WDR81: variants seen among roughly 807,000 people sequenced by gnomAD.
WDR81 encodes WD repeat-containing protein 81.
A neutral mutation model predicts 140.8 loss-of-function variants in WDR81; 92 were observed. The observed-to-expected ratio is 0.65, with a 90% CI of 0.55 to 0.78. The LOEUF (loss-of-function observed/expected upper bound fraction) is 0.78, where lower values mean the gene tolerates loss of function less well. WDR81 is among the 30% of genes least tolerant of loss of function. WDR81 has a pLI of 0.00. For synonymous variants in WDR81, 1,183 were observed against 1,156.4 expected (o/e 1.02, Z -0.47); for missense variants, 2,502 against 2,636.4 (o/e 0.95, Z 1.12).
At position 1,728,603 on chromosome 17, in the gene WDR81, G is replaced by A. The variant is rs1306538816; in HGVS notation, c.3644G>A (p.Gly1215Asp). 1 of 1,477,418 alleles carries A rather than the reference G, an allele frequency of 6.8e-7. No homozygotes were observed. Among genetic ancestry groups the A allele is most frequent in the Non-Finnish European group, 9.0e-7 (1 of 1,107,842 alleles). The allele number at this position is 1,477,418 out of a possible 1,614,324, so 91.5% of individuals were successfully genotyped here. A position where few individuals can be genotyped will look rare whatever the true frequency, so the allele number is the denominator to read the frequency against. ...EEEALPEQSE[G>D]KEQKILLDTA... ...GAGGCACTGCCTGAGCAGTCAGAAG[G>A]CAAAGAACAGAAGATCCTCCTTGGT... Residue 1215 changes from glycine (G) to aspartate (D), a missense_variant, in exon 1 of 10, where the codon GGC becomes GAC. Physicochemically the swap from Gly to Asp is moderately conservative, Grantham distance 94 (BLOSUM62 -1). Coordinates refer to ENST00000409644, the MANE Select transcript of WDR81 (RefSeq NM_001163809.2).
In WDR81 at chr17:1,727,773, T is replaced by C. The variant is rs1367234558; in HGVS notation, c.2814T>C (p.Ala938=). ...VLSLMSEEHT[A]VYTAWYLFEP... ...CACTCATGTCCGAGGAGCACACAGC[T>C]GTGTACACGGCCTGGTATCTGTTTG... The change falls in exon 1 of 10, where the codon GCT becomes GCC. Residue 938 remains alanine, a synonymous_variant. Coordinates refer to ENST00000409644, the MANE Select transcript of WDR81 (RefSeq NM_001163809.2). 3.9e-6 allele frequency: 6 copies of C among 1,550,718 alleles called. No individual in the cohort carries two copies. The highest frequency in any genetic ancestry group is 4.4e-6 in the Non-Finnish European group (5 of 1,147,008).
At position 1,725,196 on chromosome 17, in the gene WDR81, A is replaced by C; in HGVS notation, c.237A>C (p.Ala79=). The C allele has an allele frequency of 6.5e-6, 10 of 1,537,468 alleles. No individual in the cohort carries two copies. Among genetic ancestry groups the C allele is most frequent in the Non-Finnish European group, 8.7e-6 (10 of 1,146,442 alleles). ...RRLPLGPCPR[A]EGLGEAEVRT... Reference sequence around the variant, plus strand: ...TGCCCCTGGGACCCTGTCCCCGCGCAGAGGGCCTGGGAGAAGCGGAAGTCA... The same window carrying C: ...TGCCCCTGGGACCCTGTCCCCGCGCCGAGGGCCTGGGAGAAGCGGAAGTCA... Residue 79 remains alanine, a synonymous_variant, in exon 1 of 10, where the codon GCA becomes GCC. Coordinates refer to ENST00000409644, the MANE Select transcript of WDR81 (RefSeq NM_001163809.2).
At chr17:1,720,589 C>A (rs1255950415), upstream of WDR81, among the ~76,000 whole-genome samples, 1 of 151,922 alleles carries the variant, frequency 6.6e-6, no homozygotes, top group Non-Finnish European at 1.5e-5. Flanking sequence ...CCAGCCTGGC[C>A]AACATGGTGA....
rs1186161782 is a variant in WDR81, at chr17:1,725,180, G to A, written c.221G>A (p.Gly74Glu). Residue 74 changes from glycine to glutamate, a missense_variant, in exon 1 of 10, where the codon GGA becomes GAA. By Grantham distance (98) the Gly-to-Glu change is moderately conservative. Around this residue, in one of 3 missense-constraint regions of WDR81, gnomAD observed 547 missense variants for 513.8 expected, o/e 1.06. Transcript: ENST00000409644. ...CTCCGCGATCGCCGGCTGCCCCTGG[G>A]ACCCTGTCCCCGCGCAGAGGGCCTG... ...ASLRDRRLPL[G>E]PCPRAEGLGE... 9 of 1,536,262 alleles carry A rather than the reference G, an allele frequency of 5.9e-6. No homozygotes were observed. The highest frequency in any genetic ancestry group is 2.0e-5 in the Admixed American group (1 of 50,950).
At chr17:1,719,965 CTCCATCTCAGAAAAAAACGA>C (rs1329646171), upstream of WDR81, among the ~76,000 whole-genome samples, 2 of 152,078 alleles carry the variant, frequency 1.3e-5, no homozygotes, top group African/African-American at 4.8e-5. Context: ...CAGAATGTGA[CTCCATCTCAGAAAAAAACGA>C]AAAACAAATT....
Position 1,726,865 on chromosome 17 carries a change from C to T in WDR81, c.1906C>T (p.Pro636Ser). Residue 636 changes from proline to serine, a missense_variant, in exon 1 of 10, where the codon CCA (proline) becomes TCA (serine). Pro to Ser is a moderately conservative substitution (Grantham distance 74). Around this residue, in one of 3 missense-constraint regions of WDR81, gnomAD observed 1,737 missense variants for 1,843.0 expected, o/e 0.94. Transcript: ENST00000409644. The stretch of plus-strand genomic sequence containing the variant: ...ACAGCTTCCAAATGGAGTGGGCCGG[C>T]CAGTTTTAGAGGCCACTCCCTGTGA... Reference protein sequence around the residue: ...PGQLPNGVGRPVLEATPCEAS... With the variant: ...PGQLPNGVGRSVLEATPCEAS... 1 of 1,550,324 alleles carries T rather than the reference C, an allele frequency of 6.5e-7. No individual in the cohort carries two copies. The highest frequency in any genetic ancestry group is 8.7e-7 in the Non-Finnish European group (1 of 1,146,966).
rs1915324754 is a variant in WDR81 at position 1,727,011 on chromosome 17, A to G, written c.2052A>G (p.Gln684=). The G allele has an allele frequency of 1.3e-6, 2 of 1,550,244 alleles. No individual in the cohort carries two copies. Among genetic ancestry groups the G allele is most frequent in the Non-Finnish European group, 1.7e-6 (2 of 1,146,984 alleles). ...KAGDQLGSSS[Q]ASPGLLSFSV... Reference sequence around the variant, plus strand: ...GTGACCAGCTGGGCTCCTCCAGTCAAGCGTCCCCTGGACTTCTCTCTTTCT... The same window carrying G: ...GTGACCAGCTGGGCTCCTCCAGTCAGGCGTCCCCTGGACTTCTCTCTTTCT... Residue 684 remains glutamine (Q), a synonymous_variant, in exon 1 of 10, where the codon CAA becomes CAG. Coordinates refer to ENST00000409644, the MANE Select transcript of WDR81 (RefSeq NM_001163809.2).
upstream of WDR81, among the ~76,000 whole-genome samples, chr17:1,723,884 C>T (rs956956200): frequency 2.6e-5 from 4 of 152,316 alleles, no homozygotes; most frequent in East Asian, 7.7e-4. Flanking sequence ...TTCCGCCAGG[C>T]GGACAAGCCT....
intron 1 of WDR81, chr17:1,716,661 G>A: frequency 1.3e-6 from 2 of 1,551,416 alleles, no homozygotes; most frequent in South Asian, 2.4e-5. Flanking sequence ...AACTGAGCTC[G>A]GAATCCAGCC....
rs556430605 is a variant in WDR81 at position 1,735,476 on chromosome 17, G to A, written c.5180-96G>A. On this transcript the variant is annotated intron_variant, in intron 7 of 9. Coordinates refer to ENST00000409644, the MANE Select transcript of WDR81 (RefSeq NM_001163809.2). This position sits in a 1 kb window ranked among gnomAD's most constrained non-coding sequence, Gnocchi z 4.2. The stretch of plus-strand genomic sequence containing the variant: ...CATTTTCTAAGGATCCCTGGGGGAC[G>A]GGAGGCAGGTGTGCGGTGAGTTGGG... 348 of 1,242,724 alleles carry A rather than the reference G, an allele frequency of 2.8e-4. 5 individuals are homozygous for A. In the South Asian group the frequency reaches 4.9e-3, roughly 18 times the overall value. 77.0% of individuals were successfully genotyped at this position (1,242,724 alleles called of 1,614,324 possible). A position where few individuals can be genotyped will look rare whatever the true frequency, so the allele number is the denominator to read the frequency against.
chr17:1,725,494 C>A lies in WDR81; in HGVS notation c.535C>A (p.Gln179Lys). 1 of 1,547,366 alleles carries A rather than the reference C, an allele frequency of 6.5e-7. No individual in the cohort carries two copies. ...TGTCCCTGCCTTGGACTCAGTACGG[C>A]AGGCTCTGCAGAGGGTCTATGGTTG... The part of the protein sequence containing the change: ...SAVPALDSVR[Q>K]ALQRVYGCSF... The change falls in exon 1 of 10, where the codon CAG (glutamine) becomes AAG (lysine). Residue 179 changes from glutamine to lysine, a missense_variant. Physicochemically the swap from Gln to Lys is moderately conservative, Grantham distance 53. Transcript: ENST00000409644.
chr17:1,720,178 T>C (rs1447471757), upstream of WDR81, among the ~76,000 whole-genome samples: 4 of 152,204 alleles, frequency 2.6e-5, no homozygotes, highest in Admixed American at 6.5e-5. Flanking sequence ...CAACATGGGC[T>C]GACTGGTGGG....
chr17:1,731,015 G>A, intron 3 of WDR81, 53 bp from the exon 4 acceptor site: 1 of 1,603,968 alleles, frequency 6.2e-7, no homozygotes, highest in Non-Finnish European at 8.5e-7. Flanking sequence ...GGGCTCTCTT[G>A]GTGCCAGGGG....
upstream of WDR81, among the ~76,000 whole-genome samples, chr17:1,723,184 G>A (rs58360980): frequency 0.24 from 36,640 of 152,028 alleles, 5,339 homozygotes; most frequent in East Asian, 0.51. Context: ...CTTTGGTGCC[G>A]GCTGTCTGGT....
chr17:1,723,388 G>A (rs61445716), upstream of WDR81, among the ~76,000 whole-genome samples: 74 of 147,192 alleles, frequency 5.0e-4, 3 homozygotes, highest in East Asian at 8.5e-3. Flanking sequence ...CCAGGGTTTC[G>A]TTTTATTTTT....
rs992608564 is a variant in WDR81 at position 1,726,433 on chromosome 17, A to C, written c.1474A>C (p.Ile492Leu). ...RMQNWTPDEC[I>L]PEFYTDPSIF... ...GCAGAACTGGACCCCGGATGAGTGC[A>C]TTCCGGAGTTCTACACCGATCCCTC... Residue 492 changes from isoleucine to leucine, a missense_variant, in exon 1 of 10, where the codon ATT (isoleucine) becomes CTT (leucine). Physicochemically the swap from Ile to Leu is conservative, Grantham distance 5 (BLOSUM62 2). Coordinates refer to ENST00000409644, the MANE Select transcript of WDR81 (RefSeq NM_001163809.2). 16 of 1,550,184 alleles carry C rather than the reference A, an allele frequency of 1.0e-5. No homozygotes were observed. The highest frequency in any genetic ancestry group is 1.4e-5 in the Non-Finnish European group (16 of 1,146,966).
At position 1,731,224 on chromosome 17, in the gene WDR81, C is replaced by T. The variant is rs1165716598; in HGVS notation, c.4123C>T (p.Pro1375Ser). The change falls in exon 4 of 10, where the codon CCC becomes TCC. Residue 1375 changes from proline (P) to serine (S), a missense_variant. By Grantham distance (74) the Pro-to-Ser change is moderately conservative (BLOSUM62 -1). Transcript: ENST00000409644. ...LPRISHEVLL[P>S]VLSFLTSLVT... Reference sequence around the variant, plus strand: ...CCGGATCAGCCATGAGGTCCTGCTGCCCGTGCTCAGCTTCCTCACCTCCCT... The same window carrying T: ...CCGGATCAGCCATGAGGTCCTGCTGTCCGTGCTCAGCTTCCTCACCTCCCT... The T allele has an allele frequency of 6.2e-7, 1 of 1,613,628 alleles. No individual in the cohort carries two copies. Among genetic ancestry groups the T allele is most frequent in the Admixed American group, 1.7e-5 (1 of 60,016 alleles).
Position 1,726,680 on chromosome 17 carries a change from A to C in WDR81, c.1721A>C (p.His574Pro). 6.5e-7 allele frequency: 1 copy of C among 1,549,874 alleles called. No individual in the cohort carries two copies. The highest frequency in any genetic ancestry group is 8.7e-7 in the Non-Finnish European group (1 of 1,146,956). ...CTGCACCTGGTGGACGCCCACACTC[A>C]CCTGGCCAGCTACGGGGTGGTGCAG... Reference protein sequence around the residue: ...VCLHLVDAHTHLASYGVVQLF... With the variant: ...VCLHLVDAHTPLASYGVVQLF... Residue 574 changes from histidine (H) to proline (P), a missense_variant, in exon 1 of 10, where the codon CAC becomes CCC. Physicochemically the swap from His to Pro is moderately conservative, Grantham distance 77. Around this residue, in one of 3 missense-constraint regions of WDR81, gnomAD observed 1,737 missense variants for 1,843.0 expected, o/e 0.94. Coordinates refer to ENST00000409644, the MANE Select transcript of WDR81 (RefSeq NM_001163809.2).
In WDR81 at chr17:1,735,757, C is replaced by T. The variant is rs1275900795; in HGVS notation, c.5325+40C>T. On this transcript the variant is annotated intron_variant, in intron 8 of 9. Transcript: ENST00000409644. This position sits in a 1 kb window ranked among gnomAD's most constrained non-coding sequence, Gnocchi z 4.2. ...GTTCCCTGAGCACTCGCCTGGTTCT[C>T]TGGGGACCTGGCAAGGAGGAGAGAC... 1 of 1,571,838 alleles carries T rather than the reference C, an allele frequency of 6.4e-7. No homozygotes were observed. The highest frequency in any genetic ancestry group is 1.4e-5 in the African/African-American group (1 of 73,382).
Sources: gnomAD v4.1 joint callset for allele counts (sites outside exome capture counted in the v4.1 genomes callset) on GRCh38, gnomAD v4.1.1 for gene constraint, gnomAD v4.1.1 regional missense constraint, Gnocchi (gnomAD v3.1) non-coding constraint, MANE v1.5 for transcripts, NCBI Gene and HGNC (gene_info 2026-07-23, HGNC 2026-07-21) for gene names.